KLF12: variants seen among roughly 807,000 people sequenced by gnomAD.
KLF12 encodes KLF transcription factor 12.
Under a neutral mutation model 37.8 loss-of-function variants are expected in KLF12, and 9 were observed. The observed-to-expected ratio is 0.24, with a 90% CI of 0.14 to 0.42. The LOEUF is 0.42. Ranked by LOEUF, KLF12 falls within the 10% of genes least tolerant of loss-of-function variation. The pLI, the probability that KLF12 is intolerant of heterozygous loss-of-function variation, is 1.00. For synonymous variants in KLF12, 208 were observed against 202.1 expected (o/e 1.03, Z -0.25); for missense variants, 411 against 516.0 (o/e 0.80, Z 1.97).
intron 1 of KLF12, among the ~76,000 whole-genome samples, chr13:74,077,418 T>C (rs1874630639): frequency 6.6e-6 from 1 of 152,216 alleles, no homozygotes. Context: ...CTTCAACCTG[T>C]AGCAAAATTT....
chr13:73,730,778 C>T (rs1004722018), intron 6 of KLF12, among the ~76,000 whole-genome samples: 1 of 151,796 alleles, frequency 6.6e-6, no homozygotes, highest in Non-Finnish European at 1.5e-5. Flanking sequence ...AATCTTAATA[C>T]CAAATTGTCT....
At chr13:74,288,442 A>G in the KLF12 span, among the ~76,000 whole-genome samples, 1 of 152,202 alleles carries the variant, frequency 6.6e-6, no homozygotes, top group African/African-American at 2.4e-5. Context: ...AACATCTGAA[A>G]GTCATTTTCC....
chr13:73,739,535 A>AAATT (rs1246593097), intron 6 of KLF12, among the ~76,000 whole-genome samples: 5 of 152,158 alleles, frequency 3.3e-5, no homozygotes, highest in South Asian at 4.1e-4. Context: ...ATCAATAAAA[A>AAATT]AATTAATGAG....
chr13:73,876,651 ATTT>A, intron 3 of KLF12, among the ~76,000 whole-genome samples: 1 of 149,358 alleles, frequency 6.7e-6, no homozygotes, highest in East Asian at 1.9e-4. Context: ...TCCTTTTCTT[ATTT>A]TTTATGTTTC....
At chr13:73,912,603 G>C (rs1443113483) in intron 3 of KLF12, among the ~76,000 whole-genome samples, 1 of 152,108 alleles carries the variant, frequency 6.6e-6, no homozygotes, top group African/African-American at 2.4e-5. Flanking sequence ...AGGCATGGAA[G>C]CTTCTCTCCT....
intron 1 of KLF12, among the ~76,000 whole-genome samples, chr13:74,130,645 CAAAA>C (rs5804718): frequency 7.6e-6 from 1 of 131,438 alleles, no homozygotes. Context: ...GACCTCAACT[CAAAA>C]AAAAAAAAAA....
chr13:73,727,699 T>C (rs1876763185), intron 6 of KLF12, among the ~76,000 whole-genome samples: 1 of 151,422 alleles, frequency 6.6e-6, no homozygotes, highest in Non-Finnish European at 1.5e-5. Context: ...CATCAATTTC[T>C]TTCTTTTTTT....
chr13:73,769,435 T>C (rs1439973566), intron 5 of KLF12, among the ~76,000 whole-genome samples: 3 of 152,200 alleles, frequency 2.0e-5, no homozygotes, highest in African/African-American at 7.2e-5. Context: ...TTCTTCTGGC[T>C]TTCCTCCTTT....
chr13:73,708,624 T>C (rs185102173), intron 7 of KLF12, among the ~76,000 whole-genome samples: 4 of 152,248 alleles, frequency 2.6e-5, no homozygotes, highest in Admixed American at 2.6e-4. Context: ...GTTACTTGCT[T>C]TTACTGCATT....
the KLF12 span, among the ~76,000 whole-genome samples, chr13:74,264,545 C>A: frequency 6.6e-6 from 1 of 152,118 alleles, no homozygotes; most frequent in African/African-American, 2.4e-5. Flanking sequence ...GCCACAGAAT[C>A]CAAATTCTTT....
intron 3 of KLF12, among the ~76,000 whole-genome samples, chr13:73,914,724 C>G (rs1263688188): frequency 6.6e-6 from 1 of 152,050 alleles, no homozygotes; most frequent in Non-Finnish European, 1.5e-5. Flanking sequence ...TCATCTGTTA[C>G]GTTAGCAAAA....
intron 6 of KLF12, among the ~76,000 whole-genome samples, chr13:73,746,513 C>T (rs1017916274): frequency 9.9e-5 from 15 of 151,772 alleles, no homozygotes; most frequent in Admixed American, 6.6e-4. Flanking sequence ...TTACATATGC[C>T]GTTATATTCT....
chr13:74,147,278 A>G, the KLF12 span, among the ~76,000 whole-genome samples: 1 of 152,178 alleles, frequency 6.6e-6, no homozygotes, highest in Non-Finnish European at 1.5e-5. Context: ...TCCTGGTTGG[A>G]GAAGTCATTT....
chr13:73,893,866 A>C (rs896876404), intron 3 of KLF12, among the ~76,000 whole-genome samples: 18 of 152,314 alleles, frequency 1.2e-4, no homozygotes, highest in African/African-American at 4.3e-4. Context: ...GAAACAGGGA[A>C]GAAGCCAAGA....
the KLF12 span, among the ~76,000 whole-genome samples, chr13:74,262,855 A>G: frequency 5.9e-5 from 9 of 151,868 alleles, no homozygotes; most frequent in Non-Finnish European, 1.0e-4. Flanking sequence ...GTACACACAT[A>G]TATATATGTA....
At chr13:74,156,507 A>C in the KLF12 span, among the ~76,000 whole-genome samples, 1 of 152,174 alleles carries the variant, frequency 6.6e-6, no homozygotes, top group Non-Finnish European at 1.5e-5. Context: ...ATTTATTTTA[A>C]AATACACACA....
intron 5 of KLF12, among the ~76,000 whole-genome samples, chr13:73,777,888 T>G (rs1880717934): frequency 6.6e-6 from 1 of 151,882 alleles, no homozygotes; most frequent in African/African-American, 2.4e-5. Context: ...TCCCAGCACC[T>G]TGGGAGGCCG....
At chr13:74,253,779 A>G in the KLF12 span, among the ~76,000 whole-genome samples, 9 of 152,214 alleles carry the variant, frequency 5.9e-5, no homozygotes, top group Non-Finnish European at 8.8e-5. Context: ...CACCAAACAA[A>G]CAAGCAAAGA....
At chr13:74,257,668 C>T in the KLF12 span, 7 of 152,126 alleles carry the variant, frequency 4.6e-5, no homozygotes, top group African/African-American at 1.2e-4. Context: ...GAGCTTGATA[C>T]GGAAATTAAT....
Sources: allele counts gnomAD v4.1 joint callset (sites outside exome capture counted in the v4.1 genomes callset), GRCh38; gene constraint gnomAD v4.1.1; transcripts MANE v1.5; gene names NCBI Gene and HGNC (gene_info 2026-07-23, HGNC 2026-07-21).